ESRRG: variants seen among roughly 807,000 people sequenced by gnomAD.
ESRRG encodes the protein estrogen related receptor gamma.
In ESRRG, 13 loss-of-function variants were observed where a neutral mutation model predicts 44.0. That is an observed-to-expected ratio of 0.30 (90% CI 0.19 to 0.47). The LOEUF (loss-of-function observed/expected upper bound fraction) is 0.47. Ranked by LOEUF, ESRRG falls within the 20% of genes least tolerant of loss-of-function variation. ESRRG has a pLI of 1.00. For synonymous variants in ESRRG, 215 were observed against 214.6 expected (o/e 1.00, Z -0.02); for missense variants, 395 against 580.6 (o/e 0.68, Z 3.29).
chr1:216,796,453 A>G (rs1198205685), intron 2 of ESRRG, among the ~76,000 whole-genome samples: 3 of 152,202 alleles, frequency 2.0e-5, no homozygotes, highest in Non-Finnish European at 2.9e-5. Flanking sequence ...ACCCTGAAGT[A>G]GAAAGAACCC....
chr1:216,982,709 T>G (rs1394652716), intron 1 of ESRRG, among the ~76,000 whole-genome samples: 4 of 152,206 alleles, frequency 2.6e-5, no homozygotes, highest in Admixed American at 6.5e-5. Context: ...TGGGTTTCAG[T>G]AGCAAGAAAA....
At position 216,564,838 on chromosome 1, in the gene ESRRG, G is replaced by T. The variant is rs542873672; in HGVS notation, c.701-458C>A. On this transcript the variant is annotated intron_variant, in intron 4 of 6. Transcript: ENST00000408911. ...CTACTAATGCCTATAGTCATAATGGGCATGAAAGTCATTAATTGTCTTAAT... is the reference window on the plus strand; with the variant it reads ...CTACTAATGCCTATAGTCATAATGGTCATGAAAGTCATTAATTGTCTTAAT... Among the ~76,000 whole-genome samples, 16 of 152,220 alleles carry T rather than the reference G, an allele frequency of 1.1e-4. No homozygotes were observed. The East Asian group carries it at 3.1e-3, about 29-fold the overall frequency.
chr1:216,816,359 T>C (rs923421800), intron 2 of ESRRG, among the ~76,000 whole-genome samples: 14 of 152,144 alleles, frequency 9.2e-5, no homozygotes, highest in African/African-American at 3.4e-4. Context: ...AATTTAACCA[T>C]CCCACAATGT....
At chr1:216,832,620 C>G (rs1161646604) in intron 2 of ESRRG, among the ~76,000 whole-genome samples, 2 of 152,148 alleles carry the variant, frequency 1.3e-5, no homozygotes. Context: ...CCCAACTCAC[C>G]AAAGTCTGGG....
chr1:217,077,921 G>C (rs1320031432), intron 1 of ESRRG, among the ~76,000 whole-genome samples: 1 of 152,154 alleles, frequency 6.6e-6, no homozygotes, highest in Non-Finnish European at 1.5e-5. Flanking sequence ...AATGCTAAAT[G>C]AGAACAGCAA....
intron 2 of ESRRG, among the ~76,000 whole-genome samples, chr1:216,831,277 G>C (rs1225709470): frequency 2.0e-5 from 3 of 152,110 alleles, no homozygotes; most frequent in Non-Finnish European, 4.4e-5. Flanking sequence ...ATAAAATGAA[G>C]CTTCTTAAAC....
At chr1:216,742,238 G>A (rs555636554) in intron 2 of ESRRG, among the ~76,000 whole-genome samples, 1 of 152,164 alleles carries the variant, frequency 6.6e-6, no homozygotes, top group South Asian at 2.1e-4. Flanking sequence ...CATTTGTAAT[G>A]CTCTGTATAC....
chr1:216,790,835 G>A (rs980829570), intron 2 of ESRRG, among the ~76,000 whole-genome samples: 1 of 152,104 alleles, frequency 6.6e-6, no homozygotes, highest in Non-Finnish European at 1.5e-5. Flanking sequence ...AGACATTGTT[G>A]TATAGAGGTG....
chr1:216,937,816 G>A (rs1428052440), intron 2 of ESRRG, among the ~76,000 whole-genome samples: 1 of 152,032 alleles, frequency 6.6e-6, no homozygotes, highest in Non-Finnish European at 1.5e-5. Context: ...TTATAGTCAG[G>A]ATCAAAGCAA....
At chr1:216,524,526 C>T (rs1018418289) in intron 5 of ESRRG, among the ~76,000 whole-genome samples, 2 of 151,752 alleles carry the variant, frequency 1.3e-5, no homozygotes, top group Admixed American at 6.6e-5. Context: ...TTTGGGCTGA[C>T]CTTAATCCAG....
chr1:216,525,686 A>G (rs74143434), intron 5 of ESRRG, among the ~76,000 whole-genome samples: 1,557 of 152,316 alleles, frequency 0.01, 26 homozygotes, highest in African/African-American at 0.035. Context: ...ATATTTAAAA[A>G]AGGCATTTTT....
chr1:216,881,133 T>A (rs1335670168), intron 2 of ESRRG, among the ~76,000 whole-genome samples: 1 of 152,220 alleles, frequency 6.6e-6, no homozygotes, highest in Non-Finnish European at 1.5e-5. Flanking sequence ...GAATAAATGA[T>A]ACCAAAGAAA....
chr1:216,785,760 TA>T (rs1246163600), intron 2 of ESRRG, among the ~76,000 whole-genome samples: 1 of 152,032 alleles, frequency 6.6e-6, no homozygotes, highest in Non-Finnish European at 1.5e-5. Flanking sequence ...GACAGAAGTG[TA>T]AACTAAACCT....
intron 2 of ESRRG, among the ~76,000 whole-genome samples, chr1:216,766,312 G>T (rs191832689): frequency 9.5e-4 from 144 of 152,116 alleles, no homozygotes; most frequent in African/African-American, 2.7e-3. Context: ...CTGGAGGGAG[G>T]TACAATTATG....
intron 3 of ESRRG, among the ~76,000 whole-genome samples, chr1:216,601,994 G>T (rs2059323680): frequency 6.6e-6 from 1 of 152,154 alleles, no homozygotes; most frequent in South Asian, 2.1e-4. Flanking sequence ...GCTTAAAATG[G>T]TTGAATGACT....
At chr1:217,029,136 A>G (rs565458432) in intron 1 of ESRRG, among the ~76,000 whole-genome samples, 1 of 152,280 alleles carries the variant, frequency 6.6e-6, no homozygotes, top group Non-Finnish European at 1.5e-5. Context: ...ACTTACCTGT[A>G]TAAATAGAAA....
intron 1 of ESRRG, among the ~76,000 whole-genome samples, chr1:216,719,432 C>G (rs371964369): frequency 2.6e-5 from 4 of 151,858 alleles, no homozygotes; most frequent in African/African-American, 9.7e-5. Context: ...TAAAATACCT[C>G]AAAGATATAA....
chr1:216,971,696 C>T (rs937320505), intron 1 of ESRRG, among the ~76,000 whole-genome samples: 1 of 152,138 alleles, frequency 6.6e-6, no homozygotes, highest in African/African-American at 2.4e-5. Flanking sequence ...AGGAAAACAG[C>T]TAAATAGCTC....
chr1:216,669,994 G>A (rs911456485), intron 2 of ESRRG, among the ~76,000 whole-genome samples: 3 of 152,164 alleles, frequency 2.0e-5, no homozygotes, highest in South Asian at 2.1e-4. Flanking sequence ...TAATCACTGC[G>A]ATTCATCAAG....
Sources: gnomAD v4.1 joint callset for allele counts (sites outside exome capture counted in the v4.1 genomes callset) on GRCh38, gnomAD v4.1.1 for gene constraint, MANE v1.5 for transcripts, NCBI Gene and HGNC (gene_info 2026-07-23, HGNC 2026-07-21) for gene names.